The following FNDC3B variants were observed in gnomAD, a reference collection of about 807,000 sequenced individuals.
The protein encoded by FNDC3B is fibronectin type III domain containing 3B, also known as fibronectin type III domain-containing protein 3B.
A neutral mutation model predicts 151.5 loss-of-function variants in FNDC3B; 12 were observed. The ratio of observed to expected loss-of-function variants is 0.08; its 90% confidence interval spans 0.05 to 0.13. The LOEUF (loss-of-function observed/expected upper bound fraction) is 0.13, where lower values mean the gene tolerates loss of function less well. FNDC3B is among the 10% of genes least tolerant of loss of function. The probability of loss-of-function intolerance (pLI) is 1.00; values close to 1 mark genes in which losing one functional copy is unlikely to be tolerated. For missense variants in FNDC3B, 1,214 were observed against 1,505.3 expected, an observed-to-expected ratio of 0.81 and a Z score of 3.20; for synonymous variants, 528 against 549.0, an observed-to-expected ratio of 0.96 and a Z score of 0.54.
rs181134716 is a variant in FNDC3B at position 172,075,293 on chromosome 3, C to A, written c.-29+35522C>A. On this transcript the variant is annotated intron_variant, in intron 1 of 25. Transcript: ENST00000415807. ...AGTGCCGAGACCTACTGGACAACATCTTGACACTTGGTCATTGGCCTGTGC... is the reference window on the plus strand; with the variant it reads ...AGTGCCGAGACCTACTGGACAACATATTGACACTTGGTCATTGGCCTGTGC... 2.6e-4 allele frequency among the ~76,000 whole-genome samples: 39 copies of A among 152,298 alleles called. No homozygotes were observed. In the East Asian group the frequency reaches 7.3e-3, roughly 29 times the overall value.
intron 6 of FNDC3B, among the ~76,000 whole-genome samples, chr3:172,270,373 C>T (rs1167544193): frequency 6.6e-6 from 1 of 152,234 alleles, no homozygotes; most frequent in African/African-American, 2.4e-5. Context: ...ATGGCTGCTG[C>T]CTGATGCGCC....
intron 3 of FNDC3B, among the ~76,000 whole-genome samples, chr3:172,206,981 T>C (rs961574747): frequency 6.6e-6 from 1 of 152,218 alleles, no homozygotes; most frequent in Admixed American, 6.5e-5. Context: ...GTTTTGCTTA[T>C]TTTGTATGTA....
chr3:172,264,000 G>A (rs1373435689), intron 6 of FNDC3B, among the ~76,000 whole-genome samples: 1 of 151,856 alleles, frequency 6.6e-6, no homozygotes, highest in East Asian at 1.9e-4. Flanking sequence ...TTATGGGTTG[G>A]GGGAGAGACA....
rs917253195 is a variant in FNDC3B, at chr3:172,398,151, T to C, written c.*676T>C. 3 of 152,666 alleles carry C rather than the reference T, an allele frequency of 2.0e-5. No homozygotes were observed. The highest frequency in any genetic ancestry group is 7.2e-5 in the African/African-American group (3 of 41,458). 9.5% of individuals were successfully genotyped at this position (152,666 alleles called of 1,614,324 possible). A position where few individuals can be genotyped will look rare whatever the true frequency, so the allele number is the denominator to read the frequency against. On this transcript the variant is annotated 3_prime_UTR_variant, in exon 26 of 26. Coordinates refer to ENST00000415807, the MANE Select transcript of FNDC3B (RefSeq NM_022763.4). ...GTAACCAGAATGCACCTATAAATTA[T>C]GGAGCATTGTAGATTTTACCACATC...
At chr3:172,112,695 A>T in intron 2 of FNDC3B, 105 bp downstream of exon 2, 2 of 792,844 alleles carry the variant, frequency 2.5e-6, no homozygotes, top group Non-Finnish European at 4.4e-6. Flanking sequence ...TTCAAACCTT[A>T]GCATTTCTAG....
chr3:172,353,646 C>T (rs1362592764), intron 22 of FNDC3B, among the ~76,000 whole-genome samples: 1 of 152,094 alleles, frequency 6.6e-6, no homozygotes, highest in African/African-American at 2.4e-5. Context: ...AAACATCTTC[C>T]ACGTACCAGA....
chr3:172,289,254 C>G (rs1386019402), intron 7 of FNDC3B, among the ~76,000 whole-genome samples: 2 of 152,330 alleles, frequency 1.3e-5, no homozygotes, highest in East Asian at 3.9e-4. Flanking sequence ...ATTCCCCCAG[C>G]TTCTGCTTCC....
At chr3:172,204,328 T>C (rs886468896) in intron 3 of FNDC3B, among the ~76,000 whole-genome samples, 13 of 152,160 alleles carry the variant, frequency 8.5e-5, no homozygotes, top group Admixed American at 1.3e-4. Flanking sequence ...ACAGCCCCAT[T>C]GAAATGCCTT....
intron 3 of FNDC3B, among the ~76,000 whole-genome samples, chr3:172,149,815 T>TTTTGTTTTG (rs1722119973): frequency 9.1e-6 from 1 of 110,202 alleles, no homozygotes; most frequent in Non-Finnish European, 1.7e-5. Context: ...TGTTTTTTTT[T>TTTTGTTTTG]TTTTTTTTTT....
Position 172,261,701 on chromosome 3 carries a change from A to C in FNDC3B, c.790+10160A>C, listed in dbSNP as rs1576849790. 2.6e-5 allele frequency among the ~76,000 whole-genome samples: 4 copies of C among 152,360 alleles called. No homozygotes were observed. In the Middle Eastern group the frequency reaches 0.01, roughly 389 times the overall value. On this transcript the variant is annotated intron_variant, in intron 6 of 25. Coordinates refer to ENST00000415807, the MANE Select transcript of FNDC3B (RefSeq NM_022763.4). ...GATTCTATTAGGCTGGTGCACAAAT[A>C]ATTGTGGGTTTTGCCATTACTGTTG... is the stretch of plus-strand genomic sequence containing the variant.
chr3:172,349,825 T>G (rs1364776511), intron 21 of FNDC3B, among the ~76,000 whole-genome samples: 2 of 152,018 alleles, frequency 1.3e-5, no homozygotes, highest in African/African-American at 4.8e-5. Context: ...CTGACTAATT[T>G]TTGTATTTTT....
chr3:172,323,272 C>A (rs1732180307), intron 11 of FNDC3B, among the ~76,000 whole-genome samples: 2 of 152,120 alleles, frequency 1.3e-5, no homozygotes, highest in African/African-American at 4.8e-5. Context: ...ATGATCCCAG[C>A]ACTTTGGGAA....
At chr3:172,381,470 CT>C (rs1022343106) in intron 25 of FNDC3B, among the ~76,000 whole-genome samples, 109 of 141,802 alleles carry the variant, frequency 7.7e-4, no homozygotes, top group South Asian at 8.9e-4. Flanking sequence ...TAGTATTGAT[CT>C]TTTTTTTTTT....
rs199996979 is a variant in FNDC3B at position 172,056,785 on chromosome 3, T to TA, written c.-29+17015dup. On this transcript the variant is annotated intron_variant, in intron 1 of 25. Coordinates refer to ENST00000415807, the MANE Select transcript of FNDC3B (RefSeq NM_022763.4). ...ATAATTATTTAAAAACATTCCCAGT[T>TA]ACTTTAAAAGCGTATGTGAATATTA... is the stretch of plus-strand genomic sequence containing the variant. 6.5e-3 allele frequency among the ~76,000 whole-genome samples: 989 copies of TA among 152,372 alleles called. 7 individuals carry two copies. The highest frequency in any genetic ancestry group is 0.023 in the African/African-American group (946 of 41,580).
chr3:172,267,529 G>T (rs969213505), intron 6 of FNDC3B, among the ~76,000 whole-genome samples: 4 of 152,226 alleles, frequency 2.6e-5, no homozygotes, highest in Admixed American at 2.0e-4. Flanking sequence ...GGAAATAGAA[G>T]TGAGTTGTGC....
chr3:172,072,878 C>G (rs574249704), intron 1 of FNDC3B, among the ~76,000 whole-genome samples: 3 of 152,308 alleles, frequency 2.0e-5, no homozygotes, highest in Admixed American at 6.5e-5. Flanking sequence ...AACGGTGACA[C>G]TGATGCCTCT....
intron 11 of FNDC3B, among the ~76,000 whole-genome samples, chr3:172,326,973 G>A (rs2108280657): frequency 6.6e-6 from 1 of 152,170 alleles, no homozygotes; most frequent in East Asian, 1.9e-4. Context: ...CTTACTCTGA[G>A]TTCAGAAATA....
In FNDC3B at chr3:172,380,948, T is replaced by C. The variant is rs1354231114; in HGVS notation, c.3176-18T>C. On this transcript the variant is annotated intron_variant, in intron 24 of 25. Transcript: ENST00000415807. The stretch of plus-strand genomic sequence containing the variant: ...ATACTTTGAATTTTGAGCTTGGATG[T>C]GTGGATTTGTATTTCAGCACCTCGA... The C allele has an allele frequency of 1.2e-6, 2 of 1,611,614 alleles. No homozygotes were observed. Among genetic ancestry groups the C allele is most frequent in the Admixed American group, 3.3e-5 (2 of 59,952 alleles).
intron 2 of FNDC3B, among the ~76,000 whole-genome samples, chr3:172,117,941 C>T (rs948482202): frequency 6.6e-6 from 1 of 152,218 alleles, no homozygotes; most frequent in Non-Finnish European, 1.5e-5. Context: ...GATAATTTAT[C>T]ATCTACTTGC....
Sources: gnomAD v4.1 joint callset for allele counts (sites outside exome capture counted in the v4.1 genomes callset) on GRCh38, gnomAD v4.1.1 for gene constraint, MANE v1.5 for transcripts, NCBI Gene and HGNC (gene_info 2026-07-23, HGNC 2026-07-21) for gene names.